Variants in NCK1 observed in about 807,000 individuals in gnomAD.
NCK1 encodes SH2/SH3 adapter protein NCK1.
A neutral mutation model predicts 36.6 loss-of-function variants in NCK1; 19 were observed. The ratio of observed to expected loss-of-function variants is 0.52; its 90% CI spans 0.36 to 0.76. NCK1 has a LOEUF of 0.76. Ranked by LOEUF, NCK1 falls within the 30% of genes least tolerant of loss-of-function variation. NCK1 has a pLI of 0.00. For synonymous variants in NCK1, 165 were observed against 156.0 expected (o/e 1.06, Z -0.43); for missense variants, 358 against 445.6 (o/e 0.80, Z 1.77).
intron 1 of NCK1, among the ~76,000 whole-genome samples, chr3:136,927,224 G>A (rs561498580): frequency 7.9e-5 from 12 of 152,146 alleles, no homozygotes; most frequent in African/African-American, 2.9e-4. Flanking sequence ...CACCAGCCTC[G>A]GCCTCCCGAA....
intron 1 of NCK1, among the ~76,000 whole-genome samples, chr3:136,917,623 G>T (rs916891695): frequency 6.6e-6 from 1 of 152,170 alleles, no homozygotes; most frequent in African/African-American, 2.4e-5. Flanking sequence ...CACTTTTCCT[G>T]TCATGCCTCT....
At chr3:136,921,612 G>A (rs1940112864) in intron 1 of NCK1, among the ~76,000 whole-genome samples, 2 of 152,190 alleles carry the variant, frequency 1.3e-5, no homozygotes, top group African/African-American at 4.8e-5. Context: ...AGATGTCGAA[G>A]ATAAACTGGA....
chr3:136,898,064 G>C, intron 1 of NCK1, among the ~76,000 whole-genome samples: 1 of 152,104 alleles, frequency 6.6e-6, no homozygotes, highest in East Asian at 1.9e-4. Context: ...CATTTTTGCA[G>C]AACTCTCATT....
chr3:136,933,691 G>C (rs574373068), intron 2 of NCK1, among the ~76,000 whole-genome samples: 3 of 144,826 alleles, frequency 2.1e-5, no homozygotes, highest in African/African-American at 7.6e-5. Context: ...TATAATGCAA[G>C]AATAAAGATT....
At chr3:136,932,997 A>G (rs1940433291) in intron 2 of NCK1, among the ~76,000 whole-genome samples, 1 of 152,248 alleles carries the variant, frequency 6.6e-6, no homozygotes, top group Non-Finnish European at 1.5e-5. Context: ...GGAAACTAAA[A>G]TCAAGATAGA....
Position 136,878,710 on chromosome 3 carries a change from T to A in NCK1, c.-19+16357T>A, listed in dbSNP as rs375593387. ...TCTGAGTTGTATCTCAATAAAGCTATTTTTTTTTAAGAAAGGTTGAGTCTA... is the reference window on the plus strand; with the variant it reads ...TCTGAGTTGTATCTCAATAAAGCTAATTTTTTTTAAGAAAGGTTGAGTCTA... On this transcript the variant is annotated intron_variant, in intron 1 of 3. Transcript: ENST00000481752. Among the ~76,000 whole-genome samples the A allele has an allele frequency of 7.6e-3, 123 of 16,180 alleles. 1 individual carries two copies. The highest frequency in any genetic ancestry group is 0.015 in the Non-Finnish European group (100 of 6,698). 10.6% of individuals were successfully genotyped at this position (16,180 alleles called of 152,430 possible). A position where few individuals can be genotyped will look rare whatever the true frequency, so the allele number is the denominator to read the frequency against.
At chr3:136,934,671 C>G (rs2108137950) in intron 2 of NCK1, among the ~76,000 whole-genome samples, 1 of 152,260 alleles carries the variant, frequency 6.6e-6, no homozygotes, top group Middle Eastern at 3.4e-3. Context: ...CCCACCCTTC[C>G]CCTTCAAGGG....
At chr3:136,876,934 T>G (rs189088738) in intron 1 of NCK1, among the ~76,000 whole-genome samples, 22 of 152,318 alleles carry the variant, frequency 1.4e-4, no homozygotes, top group Admixed American at 1.4e-3. Context: ...AACTGCTATT[T>G]AGAAAAGACA....
At chr3:136,947,459 G>C (rs1176542769) in intron 3 of NCK1, among the ~76,000 whole-genome samples, 1 of 152,126 alleles carries the variant, frequency 6.6e-6, no homozygotes, top group African/African-American at 2.4e-5. Flanking sequence ...TACTTTTTAA[G>C]GTTAGAGGTC....
intron 1 of NCK1, among the ~76,000 whole-genome samples, chr3:136,895,827 A>C (rs1447350762): frequency 1.3e-5 from 2 of 152,156 alleles, no homozygotes; most frequent in Non-Finnish European, 2.9e-5. Context: ...GGCCTCCCAA[A>C]GTGCTGGGAT....
chr3:136,926,336 G>A (rs1195401192), intron 1 of NCK1, among the ~76,000 whole-genome samples: 3 of 151,432 alleles, frequency 2.0e-5, no homozygotes, highest in African/African-American at 4.9e-5. Context: ...GTGCAGTGGC[G>A]CGATCTCGGC....
At chr3:136,936,211 G>T (rs896050201) in intron 2 of NCK1, among the ~76,000 whole-genome samples, 1 of 151,494 alleles carries the variant, frequency 6.6e-6, no homozygotes, top group Admixed American at 6.6e-5. Context: ...TGGCTAATTT[G>T]TGTATTTTTA....
Position 136,871,238 on chromosome 3 carries a change from T to TA in NCK1, c.-19+8897dup, listed in dbSNP as rs1190542692. 1.3e-3 allele frequency among the ~76,000 whole-genome samples: 189 copies of TA among 143,760 alleles called. 1 individual carries two copies. Among genetic ancestry groups the TA allele is most frequent in the African/African-American group, 2.1e-3 (81 of 39,356 alleles). 94.3% of individuals were successfully genotyped at this position (143,760 alleles called of 152,430 possible). Reference sequence around the variant, plus strand: ...TAGCAAGAGCCGGCCTTTACAAAAGTAAAAAAAAAAAATTAGCCAGGTTTG... The same window carrying TA: ...TAGCAAGAGCCGGCCTTTACAAAAGTAAAAAAAAAAAAATTAGCCAGGTTTG... On this transcript the variant is annotated intron_variant, in intron 1 of 3. Transcript: ENST00000481752.
chr3:136,910,178 A>G lies in NCK1; in HGVS notation c.-18-17806A>G, dbSNP rs543661247. On this transcript the variant is annotated intron_variant, in intron 1 of 3. Transcript: ENST00000481752. ...ATTACTGTCTTTTGTGCTGAATTTA[A>G]TAGAATAATTCCATTCTAATTTCCT... Among the ~76,000 whole-genome samples, 106 of 152,278 alleles carry G rather than the reference A, an allele frequency of 7.0e-4. 1 individual carries two copies. Among genetic ancestry groups the G allele is most frequent in the South Asian group, 5.2e-3 (25 of 4,822 alleles).
intron 1 of NCK1, among the ~76,000 whole-genome samples, chr3:136,927,740 C>T (rs537495132): frequency 1.3e-5 from 2 of 152,238 alleles, no homozygotes; most frequent in East Asian, 1.9e-4. Flanking sequence ...AAGCTGGTCT[C>T]GAACTCAACC....
Position 136,945,850 on chromosome 3 carries a change from A to G in NCK1, c.494A>G (p.Asp165Gly), listed in dbSNP as rs1940802662. 3.7e-6 allele frequency: 6 copies of G among 1,614,170 alleles called. No individual in the cohort carries two copies. The East Asian group carries it at 6.7e-5, about 18-fold the overall frequency. The change falls in exon 3 of 4, where the codon GAC becomes GGC. Residue 165 changes from aspartate (D) to glycine (G), a missense_variant. This residue lies in a region of NCK1 where 207 missense variants were observed against 253.4 expected (regional missense o/e 0.82). Transcript: ENST00000481752. ...FPSNYVTEEGDSPLGDHVGSL... is the reference protein window; with the variant it reads ...FPSNYVTEEGGSPLGDHVGSL... The stretch of plus-strand genomic sequence containing the variant: ...TCAAACTATGTAACTGAAGAAGGTG[A>G]CAGTCCTTTGGGTGACCATGTGGGT...
chr3:136,879,834 G>A (rs1560033152), intron 1 of NCK1, among the ~76,000 whole-genome samples: 2 of 151,452 alleles, frequency 1.3e-5, no homozygotes, highest in Admixed American at 1.3e-4. Flanking sequence ...ACACATTGGG[G>A]CCTGTTGGCG....
rs186022180 is a variant in NCK1 at position 136,890,676 on chromosome 3, C to G, written c.-19+28323C>G. 2.6e-5 allele frequency among the ~76,000 whole-genome samples: 4 copies of G among 152,270 alleles called. No homozygotes were observed. In the East Asian group the frequency reaches 7.7e-4, roughly 29 times the overall value. On this transcript the variant is annotated intron_variant, in intron 1 of 3. Coordinates refer to ENST00000481752, the MANE Select transcript of NCK1 (RefSeq NM_001291999.2). ...AGTTTTTTCTCCCTTATGCCTATTA[C>G]GAGTAATATGGCTACTGGCATTCAT... is the stretch of plus-strand genomic sequence containing the variant.
chr3:136,910,153 A>G (rs1224040217), intron 1 of NCK1, among the ~76,000 whole-genome samples: 1 of 152,116 alleles, frequency 6.6e-6, no homozygotes, highest in East Asian at 1.9e-4. Flanking sequence ...CATTTGCTGC[A>G]TTACTGTCTT....
Sources: gnomAD v4.1 joint callset for allele counts (sites outside exome capture counted in the v4.1 genomes callset) on GRCh38, gnomAD v4.1.1 for gene constraint, gnomAD v4.1.1 regional missense constraint, MANE v1.5 for transcripts, NCBI Gene and HGNC (gene_info 2026-07-23, HGNC 2026-07-21) for gene names.